COL16A1: variants seen among roughly 807,000 people sequenced by gnomAD.
COL16A1 encodes the protein collagen type XVI alpha 1 chain.
COL16A1 carries 189 observed loss-of-function variants against 266.3 expected under a neutral mutation model. That is an observed-to-expected ratio of 0.71 (90% confidence interval 0.63 to 0.80). The LOEUF (loss-of-function observed/expected upper bound fraction) is 0.80, where lower values mean the gene tolerates loss of function less well. Ranked by LOEUF, COL16A1 falls within the 30% of genes least tolerant of loss-of-function variation. The pLI, the probability that COL16A1 is intolerant of heterozygous loss-of-function variation, is 0.00. For synonymous variants in COL16A1, 740 were observed against 782.3 expected (o/e 0.95, Z 0.90); for missense variants, 1,928 against 2,122.4 (o/e 0.91, Z 1.80).
chr1:31,652,807 T>C lies in COL16A1; in HGVS notation c.4659A>G (p.Pro1553=). The C allele has an allele frequency of 6.3e-7, 1 of 1,592,996 alleles. No individual in the cohort carries two copies. The highest frequency in any genetic ancestry group is 8.5e-7 in the Non-Finnish European group (1 of 1,172,350). Residue 1553 remains proline (P), a synonymous_variant, in exon 71 of 71, where the codon CCA becomes CCG. Coordinates refer to ENST00000373672, the MANE Select transcript of COL16A1 (RefSeq NM_001856.4). This position sits in a 1 kb window ranked among gnomAD's most constrained non-coding sequence, Gnocchi z 4.8. ...PGYGKMGATG[P]MGQQGIPGIP... ...TGCCAGGGATGCCTTGCTGGCCCATTGGTCCTGTTGCACCCATCTTGCCAT... is the reference window on the plus strand; with the variant it reads ...TGCCAGGGATGCCTTGCTGGCCCATCGGTCCTGTTGCACCCATCTTGCCAT...
intron 8 of COL16A1, 117 bp downstream of exon 8, chr1:31,696,846 C>T: frequency 6.6e-7 from 1 of 1,521,556 alleles, no homozygotes; most frequent in South Asian, 1.2e-5. Flanking sequence ...CTTCCAGTGC[C>T]CCTCCTGCCC....
chr1:31,700,248 C>A lies in COL16A1; in HGVS notation c.74-133G>T, dbSNP rs533921120. Reference sequence around the variant, plus strand: ...GACCATCAGCTAGATCCTGCCTTCACCACCTGCCTTCTGACCCTGGCTCCC... The same window carrying A: ...GACCATCAGCTAGATCCTGCCTTCAACACCTGCCTTCTGACCCTGGCTCCC... On this transcript the variant is annotated intron_variant, in intron 2 of 70. Transcript: ENST00000373672. 8 of 808,126 alleles carry A rather than the reference C, an allele frequency of 9.9e-6. No individual in the cohort carries two copies. The East Asian group carries it at 2.1e-4, about 22-fold the overall frequency. The allele number at this position is 808,126 out of a possible 1,614,324, so 50.1% of individuals were successfully genotyped here. A position where few individuals can be genotyped will look rare whatever the true frequency, so the allele number is the denominator to read the frequency against.
Position 31,674,558 on chromosome 1 carries a change from A to G in COL16A1, c.2859+449T>C, listed in dbSNP as rs201159830. Among the ~76,000 whole-genome samples, 112 of 152,242 alleles carry G rather than the reference A, an allele frequency of 7.4e-4. 1 individual carries two copies. The highest frequency in any genetic ancestry group is 1.7e-3 in the East Asian group (9 of 5,176). Reference sequence around the variant, plus strand: ...ACTACCAGAAGTGCTTCTCAAATCCATCTCCTCCCTGGATTCTTTCTGGAT... The same window carrying G: ...ACTACCAGAAGTGCTTCTCAAATCCGTCTCCTCCCTGGATTCTTTCTGGAT... On this transcript the variant is annotated intron_variant, in intron 44 of 70. Coordinates refer to ENST00000373672, the MANE Select transcript of COL16A1 (RefSeq NM_001856.4).
Position 31,652,507 on chromosome 1 carries a change from GTTTC to G in COL16A1, c.*140_*143del, listed in dbSNP as rs1043739369. 46 of 1,021,598 alleles carry G rather than the reference GTTTC, an allele frequency of 4.5e-5. No individual in the cohort carries two copies. The African/African-American group carries it at 6.7e-4, about 15-fold the overall frequency. The allele number at this position is 1,021,598 out of a possible 1,614,324, so 63.3% of individuals were successfully genotyped here. A position where few individuals can be genotyped will look rare whatever the true frequency, so the allele number is the denominator to read the frequency against. ...TGGAAGGGAAAGGGCAGATAGTTTT[GTTTC>G]TTTATTATTTAAAAAATATTAACAG... On this transcript the variant is annotated 3_prime_UTR_variant, in exon 71 of 71. Coordinates refer to ENST00000373672, the MANE Select transcript of COL16A1 (RefSeq NM_001856.4). This position sits in a 1 kb window ranked among gnomAD's most constrained non-coding sequence, Gnocchi z 4.8.
In COL16A1 at chr1:31,675,351, C is replaced by T. The variant is rs781725542; in HGVS notation, c.2773-40G>A. 5.6e-6 allele frequency: 9 copies of T among 1,604,928 alleles called. No individual in the cohort carries two copies. The African/African-American group carries it at 6.7e-5, about 12-fold the overall frequency. On this transcript the variant is annotated intron_variant, in intron 42 of 70. Coordinates refer to ENST00000373672, the MANE Select transcript of COL16A1 (RefSeq NM_001856.4). ...AGACACGAGTGAGTGGGCTCCATCT[C>T]TCTAGCCTGCTGGTCAGCCTGTTTC...
chr1:31,667,802 C>G (rs1210863771), intron 51 of COL16A1, among the ~76,000 whole-genome samples, 174 bp from the exon 52 acceptor site: 1 of 152,186 alleles, frequency 6.6e-6, no homozygotes, highest in Non-Finnish European at 1.5e-5. Context: ...CCGTGCCCCC[C>G]AAGCCCCCAG....
chr1:31,680,957 G>C (rs906483906), intron 38 of COL16A1, 26 bp from the exon 39 acceptor site: 1 of 1,614,164 alleles, frequency 6.2e-7, no homozygotes, highest in African/African-American at 1.3e-5. Context: ...ACAGGAAGGT[G>C]AGCAGATAGG....
Position 31,700,106 on chromosome 1 carries a change from C to G in COL16A1, c.83G>C (p.Cys28Ser), listed in dbSNP as rs773714088. The change falls in exon 3 of 71, where the codon TGC becomes TCC. Residue 28 changes from cysteine to serine, a missense_variant. Transcript: ENST00000373672. ...GAGTCCTTCCTGCTGTGAAGGTGGG[C>G]ATTGTGCACCTAGAAGAGAAGGGGC... ...FGHGANTGAQ[C>S]PPSQQEGLKL... 1.7e-5 allele frequency: 27 copies of G among 1,614,046 alleles called. No homozygotes were observed. In the South Asian group the frequency reaches 2.7e-4, roughly 16 times the overall value.
chr1:31,679,422 G>T, intron 42 of COL16A1: 1 of 1,567,906 alleles, frequency 6.4e-7, no homozygotes. Context: ...ACAGTGCATT[G>T]CTTGAAACAG....
At chr1:31,699,739 C>T (rs1644649841) in intron 4 of COL16A1, 74 bp downstream of exon 4, 1 of 983,016 alleles carries the variant, frequency 1.0e-6, no homozygotes, top group Non-Finnish European at 1.6e-6. Context: ...TGGGCTTAAG[C>T]CCCACATCTG....
In COL16A1 at chr1:31,704,004, G is replaced by C. The variant is rs1644812390; in HGVS notation, c.-202C>G. The C allele has an allele frequency of 6.6e-6, 1 of 152,458 alleles. No individual in the cohort carries two copies. Among genetic ancestry groups the C allele is most frequent in the African/African-American group, 2.4e-5 (1 of 41,466 alleles). The allele number at this position is 152,458 out of a possible 1,614,324, so 9.4% of individuals were successfully genotyped here. A position where few individuals can be genotyped will look rare whatever the true frequency, so the allele number is the denominator to read the frequency against. On this transcript the variant is annotated 5_prime_UTR_variant, in exon 1 of 71. Coordinates refer to ENST00000373672, the MANE Select transcript of COL16A1 (RefSeq NM_001856.4). The stretch of plus-strand genomic sequence containing the variant: ...CCCGGCTGTCTGCTGCCCGGCGCAC[G>C]CCTGCCGGGGACTGCCGGCCACTCC...
At chr1:31,695,728 C>T (rs374311064) in intron 10 of COL16A1, 33 bp downstream of exon 10, 50 of 1,610,330 alleles carry the variant, frequency 3.1e-5, no homozygotes, top group African/African-American at 9.4e-5. Flanking sequence ...CATGCTGGCA[C>T]CTCCCCTGCT....
At position 31,698,148 on chromosome 1, in the gene COL16A1, C is replaced by A; in HGVS notation, c.415G>T (p.Glu139Ter). ...TGGGCCCTGAGCTCCAGGCTCCGCTCTTGGCTGTTGACTTCCAGGGATATC... is the reference window on the plus strand; with the variant it reads ...TGGGCCCTGAGCTCCAGGCTCCGCTATTGGCTGTTGACTTCCAGGGATATC... Reference protein sequence around the residue: ...PQISLEVNSQERSLELRAQGQ... With the variant: ...PQISLEVNSQ The change falls in exon 6 of 71, where the codon GAG becomes TAG. Residue 139 changes from glutamate (E) to a stop codon, truncating the protein, a stop_gained. Coordinates refer to ENST00000373672, the MANE Select transcript of COL16A1 (RefSeq NM_001856.4). LOFTEE classifies it high-confidence loss of function. The surrounding 1 kb of genome is among the most constrained non-coding windows in gnomAD (Gnocchi z 4.1). 6.2e-7 allele frequency: 1 copy of A among 1,613,860 alleles called. No individual in the cohort carries two copies. The highest frequency in any genetic ancestry group is 2.2e-5 in the East Asian group (1 of 44,892).
At position 31,668,167 on chromosome 1, in the gene COL16A1, G is replaced by A. The variant is rs944602098; in HGVS notation, c.3301C>T (p.Pro1101Ser). 8 of 1,611,372 alleles carry A rather than the reference G, an allele frequency of 5.0e-6. No individual in the cohort carries two copies. In the Middle Eastern group the frequency reaches 6.6e-4, roughly 133 times the overall value. Residue 1101 changes from proline to serine, a missense_variant and splice_region_variant, in exon 51 of 71, where the codon CCT (proline) becomes TCT (serine). Pro to Ser is a moderately conservative substitution (Grantham distance 74). Transcript: ENST00000373672. This position sits in a 1 kb window ranked among gnomAD's most constrained non-coding sequence, Gnocchi z 5.8. Reference protein sequence around the residue: ...YPGATGPPGLPGIKGERGYTG... With the variant: ...YPGATGPPGLSGIKGERGYTG... ...CCAGCAAGGGTCCCCTTACTCACAGGCAGTCCTGGGGGGCCCGTGGCACCT... is the reference window on the plus strand; with the variant it reads ...CCAGCAAGGGTCCCCTTACTCACAGACAGTCCTGGGGGGCCCGTGGCACCT...
At position 31,652,687 on chromosome 1, in the gene COL16A1, G is replaced by A. The variant is rs186321587; in HGVS notation, c.4779C>T (p.Tyr1593=). 4.4e-6 allele frequency: 7 copies of A among 1,602,784 alleles called. No individual in the cohort carries two copies. The highest frequency in any genetic ancestry group is 2.3e-5 in the South Asian group (2 of 88,802). ...GCCCCTTCATGGTTTTCATGGGTGG[G>A]TACTGCTGCTCCATCGGCATGGCCC... ...CFGAMPMEQQ[Y]PPMKTMKGPF... is the part of the protein sequence containing the mutation. The change falls in exon 71 of 71, where the codon TAC becomes TAT. Residue 1593 remains tyrosine, a synonymous_variant. Coordinates refer to ENST00000373672, the MANE Select transcript of COL16A1 (RefSeq NM_001856.4). This position sits in a 1 kb window ranked among gnomAD's most constrained non-coding sequence, Gnocchi z 4.8.
chr1:31,672,718 C>T lies in COL16A1; in HGVS notation c.2976+6G>A. 1 of 1,613,630 alleles carries T rather than the reference C, an allele frequency of 6.2e-7. No homozygotes were observed. The highest frequency in any genetic ancestry group is 8.5e-7 in the Non-Finnish European group (1 of 1,179,728). ...GCATAGGGCAGCCCCAAGCCCAGTC[C>T]CTTACCTGGGCGCAGTTGTCGAGGC... On this transcript the variant is annotated splice_donor_region_variant and intron_variant, in intron 45 of 70. Transcript: ENST00000373672.
Position 31,653,622 on chromosome 1 carries a change from T to A in COL16A1, c.4589A>T (p.Glu1530Val). 1.2e-6 allele frequency: 2 copies of A among 1,613,920 alleles called. No homozygotes were observed. The highest frequency in any genetic ancestry group is 1.7e-6 in the Non-Finnish European group (2 of 1,179,894). ...ACCTGGGGGGCCGGGAAGACCATTTTCTCCTGCAATGCCAATACCAATGTC... is the reference window on the plus strand; with the variant it reads ...ACCTGGGGGGCCGGGAAGACCATTTACTCCTGCAATGCCAATACCAATGTC... ...KGDIGIGIAG[E>V]NGLPGPPGPQ... Residue 1530 changes from glutamate (E) to valine (V), a missense_variant, in exon 70 of 71, where the codon GAA (glutamate) becomes GTA (valine). Glu to Val is a moderately radical substitution (Grantham distance 121). Coordinates refer to ENST00000373672, the MANE Select transcript of COL16A1 (RefSeq NM_001856.4).
In COL16A1 at chr1:31,685,652, A is replaced by G. The variant is rs1643933729; in HGVS notation, c.2003T>C (p.Leu668Ser). 2 of 1,613,658 alleles carry G rather than the reference A, an allele frequency of 1.2e-6. No individual in the cohort carries two copies. Among genetic ancestry groups the G allele is most frequent in the African/African-American group, 1.3e-5 (1 of 74,912 alleles). Reference sequence around the variant, plus strand: ...ATCCCACCTCACCTGTTTTCCTGGCAAGCCAAAGCCTGGAGGCCCAGGTTC... The same window carrying G: ...ATCCCACCTCACCTGTTTTCCTGGCGAGCCAAAGCCTGGAGGCCCAGGTTC... ...KGEPGPPGFG[L>S]PGKQGKAGER... The change falls in exon 29 of 71, where the codon TTG (leucine) becomes TCG (serine). Residue 668 changes from leucine to serine, a missense_variant. By Grantham distance (145) the Leu-to-Ser change is moderately radical (BLOSUM62 -2). Transcript: ENST00000373672. This position sits in a 1 kb window ranked among gnomAD's most constrained non-coding sequence, Gnocchi z 4.0.
chr1:31,656,377 A>G lies in COL16A1; in HGVS notation c.4101+23T>C. ...CATCCACTCGTGAGCTTCTCCTCTC[A>G]AGCCCAGCCAGTGCCCACTCACCTT... is the stretch of plus-strand genomic sequence containing the variant. On this transcript the variant is annotated intron_variant, in intron 66 of 70. Coordinates refer to ENST00000373672, the MANE Select transcript of COL16A1 (RefSeq NM_001856.4). This position sits in a 1 kb window ranked among gnomAD's most constrained non-coding sequence, Gnocchi z 4.2. The G allele has an allele frequency of 1.2e-6, 2 of 1,613,052 alleles. No individual in the cohort carries two copies. Among genetic ancestry groups the G allele is most frequent in the South Asian group, 2.2e-5 (2 of 90,716 alleles).
Sources: gnomAD v4.1 joint callset for allele counts (sites outside exome capture counted in the v4.1 genomes callset) on GRCh38, gnomAD v4.1.1 for gene constraint, Gnocchi (gnomAD v3.1) non-coding constraint, MANE v1.5 for transcripts, NCBI Gene and HGNC (gene_info 2026-07-23, HGNC 2026-07-21) for gene names.